Variants in ODF2 observed in about 807,000 individuals in gnomAD.
The protein encoded by ODF2 is outer dense fiber protein 2.
Under a neutral mutation model 110.2 loss-of-function variants are expected in ODF2, and 47 were observed. That is an observed-to-expected ratio of 0.43 (90% CI 0.34 to 0.54). The LOEUF (loss-of-function observed/expected upper bound fraction) is 0.54. ODF2 is among the 20% of genes least tolerant of loss of function. The pLI, the probability that ODF2 is intolerant of heterozygous loss-of-function variation, is 0.03. For synonymous variants in ODF2, 352 were observed against 397.7 expected, an observed-to-expected ratio of 0.89 and a Z score of 1.37; for missense variants, 812 against 1,054.5, an observed-to-expected ratio of 0.77 and a Z score of 3.19.
intron 18 of ODF2, 179 bp from the exon 19 acceptor site, chr9:128,498,234 G>C: frequency 1.1e-6 from 1 of 892,640 alleles, no homozygotes; most frequent in Non-Finnish European, 1.6e-6. Context: ...AGTTGCTCCA[G>C]CTGCACAGTT....
intron 14 of ODF2, among the ~76,000 whole-genome samples, chr9:128,490,518 C>G (rs1451391686): frequency 6.6e-6 from 1 of 152,148 alleles, no homozygotes; most frequent in Non-Finnish European, 1.5e-5. Context: ...CTTCTGACCT[C>G]AGGTGATCAA....
At chr9:128,478,743 C>T (rs7870551) in intron 8 of ODF2, among the ~76,000 whole-genome samples, 3,722 of 152,116 alleles carry the variant, frequency 0.024, 159 homozygotes, top group African/African-American at 0.085. Flanking sequence ...GTGTTTTGTG[C>T]TTTGTCCAGG....
chr9:128,468,951 T>C, intron 4 of ODF2: 1 of 517,334 alleles, frequency 1.9e-6, no homozygotes, highest in Non-Finnish European at 3.4e-6. Context: ...TATTTTAAAC[T>C]TAACATTGTA....
chr9:128,489,976 C>T (rs967515897), intron 14 of ODF2, among the ~76,000 whole-genome samples: 15 of 152,110 alleles, frequency 9.9e-5, no homozygotes, highest in African/African-American at 3.1e-4. Flanking sequence ...TTAGCTACTC[C>T]GGTGGGAGTG....
At chr9:128,456,418 C>A in intron 1 of ODF2, 163 bp downstream of exon 1, 1 of 1,481,586 alleles carries the variant, frequency 6.7e-7, no homozygotes, top group Non-Finnish European at 8.9e-7. Context: ...GGCCCCCGCC[C>A]CGCCCACCGG....
chr9:128,473,653 A>T (rs1564484900), exon 8 of ODF2: 1 of 1,613,854 alleles, frequency 6.2e-7, no homozygotes, highest in Non-Finnish European at 8.5e-7. Context: ...CTGACAAGGC[A>T]GAAGGAACTT....
exon 21 of ODF2, chr9:128,500,458 T>G: frequency 1.8e-6 from 1 of 566,588 alleles, no homozygotes; most frequent in Non-Finnish European, 3.1e-6. Context: ...CCTGATATAG[T>G]CACCTGTTGG....
chr9:128,467,737 C>T (rs1838624029), intron 4 of ODF2, among the ~76,000 whole-genome samples: 1 of 104,306 alleles, frequency 9.6e-6, no homozygotes, highest in African/African-American at 3.4e-5. Context: ...GGAGTGAGAC[C>T]CTGTCTCAAA....
At chr9:128,457,184 C>T (rs780044239) in intron 1 of ODF2, 5 of 1,533,464 alleles carry the variant, frequency 3.3e-6, no homozygotes, top group East Asian at 2.5e-5. Flanking sequence ...TACTATTTCC[C>T]CCTACTTTGG....
chr9:128,487,711 C>T (rs1246438830), intron 13 of ODF2, among the ~76,000 whole-genome samples, 179 bp from the exon 14 acceptor site: 5 of 151,680 alleles, frequency 3.3e-5, no homozygotes, highest in Admixed American at 6.6e-5. Flanking sequence ...GGCATGAACA[C>T]GGGAGGCGGA....
chr9:128,497,192 A>G (rs1380025759), intron 18 of ODF2, among the ~76,000 whole-genome samples: 1 of 151,446 alleles, frequency 6.6e-6, no homozygotes, highest in South Asian at 2.1e-4. Flanking sequence ...GAGCTTGGGG[A>G]GGAGTTAAGT....
chr9:128,500,576 T>G (rs1380957011), downstream of ODF2: 1 of 241,974 alleles, frequency 4.1e-6, no homozygotes, highest in Non-Finnish European at 8.0e-6. Flanking sequence ...ATATTTCCAC[T>G]GGATTTTTTC....
chr9:128,461,014 C>G (rs773789602), exon 4 of ODF2: 1 of 1,614,138 alleles, frequency 6.2e-7, no homozygotes. Context: ...AACCAAGGTA[C>G]CTTGGATGCC....
Position 128,494,478 on chromosome 9 carries a change from T to A in ODF2, c.1753-32T>A. ...CAGGTCTTTCCTAACTGTGGGTCTT[T>A]CCTTCCTGTGGGTCTTTCCTTCCTG... On this transcript the variant is annotated intron_variant, in intron 16 of 20. Coordinates refer to ENST00000604420, the Ensembl canonical transcript of ODF2. The surrounding 1 kb of genome is among the most constrained non-coding windows in gnomAD (Gnocchi z 4.6). 1 of 1,601,840 alleles carries A rather than the reference T, an allele frequency of 6.2e-7. No homozygotes were observed. The highest frequency in any genetic ancestry group is 2.2e-5 in the East Asian group (1 of 44,838).
At chr9:128,497,439 AAAAAAAAATATAT>A (rs1480401833) in intron 18 of ODF2, 4 of 95,702 alleles carry the variant, frequency 4.2e-5, no homozygotes, top group African/African-American at 5.7e-5. Flanking sequence ...AAAAAAAAAA[AAAAAAAAATATAT>A]ATATATATAT....
At chr9:128,473,329 T>G (rs1451682451) in intron 7 of ODF2, 1 of 870,658 alleles carries the variant, frequency 1.1e-6, no homozygotes, top group African/African-American at 1.8e-5. Context: ...CCACCAGGTC[T>G]TGTCATCCTC....
intron 13 of ODF2, among the ~76,000 whole-genome samples, chr9:128,486,873 G>A (rs939977476): frequency 1.3e-5 from 2 of 152,212 alleles, no homozygotes; most frequent in Admixed American, 6.5e-5. Flanking sequence ...GGAGAGGAAT[G>A]CCTGGGTGAT....
intron 2 of ODF2, chr9:128,457,463 C>A: frequency 6.3e-7 from 1 of 1,591,070 alleles, no homozygotes; most frequent in South Asian, 1.1e-5. Flanking sequence ...GAGGCGCCTG[C>A]GCCGGAGGGC....
At chr9:128,471,059 A>T (rs748818330) in intron 5 of ODF2, among the ~76,000 whole-genome samples, 1 of 152,010 alleles carries the variant, frequency 6.6e-6, no homozygotes, top group Non-Finnish European at 1.5e-5. Context: ...GATCACAGGC[A>T]TGTGCCACCA....
Sources: gnomAD v4.1 joint callset for allele counts (sites outside exome capture counted in the v4.1 genomes callset) on GRCh38, gnomAD v4.1.1 for gene constraint, Gnocchi (gnomAD v3.1) non-coding constraint, MANE v1.5 for transcripts, NCBI Gene and HGNC (gene_info 2026-07-23, HGNC 2026-07-21) for gene names.